RYR2: variants seen among roughly 807,000 people sequenced by gnomAD.
The protein encoded by RYR2 is ryanodine receptor 2.
Under a neutral mutation model 601.1 loss-of-function variants are expected in RYR2, and 227 were observed. That is an observed-to-expected ratio of 0.38 (90% CI 0.34 to 0.42). The LOEUF (loss-of-function observed/expected upper bound fraction) is 0.42. Ranked by LOEUF, RYR2 falls within the 10% of genes least tolerant of loss-of-function variation. RYR2 has a pLI of 1.00. For synonymous variants in RYR2, 2,223 were observed against 2,175.1 expected, an observed-to-expected ratio of 1.02 and a Z score of -0.61; for missense variants, 4,646 against 6,156.5, an observed-to-expected ratio of 0.75 and a Z score of 8.21.
intron 14 of RYR2, among the ~76,000 whole-genome samples, chr1:237,450,165 C>G (rs1657910410): frequency 6.6e-6 from 1 of 152,138 alleles, no homozygotes; most frequent in African/African-American, 2.4e-5. Flanking sequence ...TCAGGTGATT[C>G]TGTTCCCTGC....
In RYR2 at chr1:237,639,168, G is replaced by A; in HGVS notation, c.7082G>A (p.Gly2361Asp). ...IKIAEDPSRD[G>D]PSPNSGSSKT... The stretch of plus-strand genomic sequence containing the variant: ...ATCGCCGAGGATCCTTCCCGAGATG[G>A]TCCCTCACCAAATAGCGGATCCAGT... Residue 2361 changes from glycine (G) to aspartate (D), a missense_variant, in exon 46 of 105, where the codon GGT becomes GAT. By Grantham distance (94) the Gly-to-Asp change is moderately conservative. Around this residue, in one of 17 missense-constraint regions of RYR2, gnomAD observed 1,497 missense variants for 1,842.6 expected, o/e 0.81. Transcript: ENST00000366574. The A allele has an allele frequency of 6.2e-7, 1 of 1,613,616 alleles. No individual in the cohort carries two copies. Among genetic ancestry groups the A allele is most frequent in the African/African-American group, 1.3e-5 (1 of 75,006 alleles).
intron 93 of RYR2, 138 bp from the exon 94 acceptor site, chr1:237,791,967 C>G (rs1381046702): frequency 4.7e-6 from 3 of 641,650 alleles, no homozygotes; most frequent in African/African-American, 1.8e-5. Context: ...TCGTTTTTAG[C>G]CTTTGCTATT....
chr1:237,291,645 C>T (rs2149421700), intron 2 of RYR2, among the ~76,000 whole-genome samples: 1 of 152,128 alleles, frequency 6.6e-6, no homozygotes, highest in South Asian at 2.1e-4. Flanking sequence ...ATGGAGGAAC[C>T]TTAAATGCAT....
chr1:237,104,399 G>A (rs565171981), intron 1 of RYR2, among the ~76,000 whole-genome samples: 16 of 152,018 alleles, frequency 1.1e-4, no homozygotes, highest in African/African-American at 1.5e-4. Context: ...GCCCTCACCC[G>A]CTGCTGTCCC....
intron 22 of RYR2, among the ~76,000 whole-genome samples, chr1:237,503,767 G>A (rs1664914536): frequency 6.6e-6 from 1 of 152,140 alleles, no homozygotes; most frequent in Non-Finnish European, 1.5e-5. Context: ...GAGTGCAGTG[G>A]TGCAATCTCG....
At chr1:237,045,812 A>T (rs1187812365) in intron 1 of RYR2, among the ~76,000 whole-genome samples, 1 of 142,842 alleles carries the variant, frequency 7.0e-6, no homozygotes, top group Non-Finnish European at 1.5e-5. Context: ...ACAGAATGTT[A>T]TAGAAGATAT....
intron 2 of RYR2, among the ~76,000 whole-genome samples, chr1:237,301,834 A>G (rs549161348): frequency 1.1e-4 from 17 of 152,264 alleles, no homozygotes; most frequent in Admixed American, 6.5e-4. Flanking sequence ...CCAGACGGTG[A>G]CTTTCTGCTA....
intron 1 of RYR2, among the ~76,000 whole-genome samples, chr1:237,162,629 T>C (rs1290982551): frequency 1.3e-5 from 2 of 152,114 alleles, no homozygotes. Context: ...CCCCAAAATA[T>C]GATTATAGGA....
intron 27 of RYR2, among the ~76,000 whole-genome samples, chr1:237,564,281 T>C (rs1287389555): frequency 6.6e-6 from 1 of 152,174 alleles, no homozygotes; most frequent in Non-Finnish European, 1.5e-5. Flanking sequence ...TCTTTCTTTC[T>C]TTTTTTAAAC....
At chr1:237,123,715 C>T (rs573459710) in intron 1 of RYR2, among the ~76,000 whole-genome samples, 7 of 128,390 alleles carry the variant, frequency 5.5e-5, no homozygotes, top group South Asian at 2.6e-4. Flanking sequence ...GGCCGGACTG[C>T]GGACTGCAGT....
At chr1:237,773,688 T>A in intron 87 of RYR2, 40 bp downstream of exon 87, 1 of 1,573,092 alleles carries the variant, frequency 6.4e-7, no homozygotes, top group Non-Finnish European at 8.7e-7. Flanking sequence ...AGCACTGAAC[T>A]CCATAGAAAA....
At chr1:237,679,948 A>G (rs1328811966) in intron 61 of RYR2, among the ~76,000 whole-genome samples, 1 of 152,188 alleles carries the variant, frequency 6.6e-6, no homozygotes, top group Admixed American at 6.5e-5. Flanking sequence ...AGAAATGGAA[A>G]GTGCACTTTA....
chr1:237,280,569 G>A (rs1690750891), intron 2 of RYR2, among the ~76,000 whole-genome samples: 1 of 152,082 alleles, frequency 6.6e-6, no homozygotes, highest in Non-Finnish European at 1.5e-5. Flanking sequence ...AAAGTAGATG[G>A]TAAGTGTGGC....
At chr1:237,586,592 G>C (rs1379320607) in intron 29 of RYR2, among the ~76,000 whole-genome samples, 2 of 152,180 alleles carry the variant, frequency 1.3e-5, no homozygotes, top group Non-Finnish European at 2.9e-5. Context: ...AGTAATATCT[G>C]TCTGCCATCT....
chr1:237,791,724 T>A, intron 93 of RYR2: 1 of 574,884 alleles, frequency 1.7e-6, no homozygotes, highest in Non-Finnish European at 3.1e-6. Context: ...CTGAAGGGCA[T>A]TTGATTTAGC....
At chr1:237,151,316 T>C (rs1268899656) in intron 1 of RYR2, among the ~76,000 whole-genome samples, 3 of 152,184 alleles carry the variant, frequency 2.0e-5, no homozygotes, top group Non-Finnish European at 4.4e-5. Flanking sequence ...GTAATGGATA[T>C]GTCAGGGTGG....
chr1:237,818,864 AG>A (rs1202442512), intron 100 of RYR2, among the ~76,000 whole-genome samples, 171 bp from the exon 101 acceptor site: 1 of 152,120 alleles, frequency 6.6e-6, no homozygotes, highest in African/African-American at 2.4e-5. Flanking sequence ...AACATGCAAA[AG>A]CCAAATGTTT....
intron 67 of RYR2, among the ~76,000 whole-genome samples, chr1:237,705,673 C>A (rs572969912): frequency 1.3e-5 from 2 of 152,224 alleles, no homozygotes; most frequent in South Asian, 4.1e-4. Context: ...GCAGCCTAGA[C>A]GTAATCCCAG....
intron 1 of RYR2, among the ~76,000 whole-genome samples, chr1:237,242,092 G>A (rs1686235384): frequency 6.6e-6 from 1 of 152,126 alleles, no homozygotes; most frequent in Non-Finnish European, 1.5e-5. Context: ...GAAGTCTTCA[G>A]AGAAACAAAG....
Sources: allele counts gnomAD v4.1 joint callset (sites outside exome capture counted in the v4.1 genomes callset), GRCh38; gene constraint gnomAD v4.1.1; regional missense constraint gnomAD v4.1.1; transcripts MANE v1.5; gene names NCBI Gene and HGNC (gene_info 2026-07-23, HGNC 2026-07-21).